The following PTPRT variants were observed in gnomAD, a reference collection of about 807,000 sequenced individuals.
The protein encoded by PTPRT is receptor-type tyrosine-protein phosphatase T.
PTPRT carries 56 observed loss-of-function variants against 176.8 expected under a neutral mutation model. That is an observed-to-expected ratio of 0.32 (90% CI 0.26 to 0.40). The LOEUF is 0.40. Ranked by LOEUF, PTPRT falls within the 10% of genes least tolerant of loss-of-function variation. PTPRT has a pLI of 1.00. For missense variants in PTPRT, 1,540 were observed against 1,908.2 expected (o/e 0.81, Z 3.60); for synonymous variants, 783 against 739.0 (o/e 1.06, Z -0.96).
rs1170197583 is a variant in PTPRT, at chr20:42,771,428, T to C, written c.684+7A>G. On this transcript the variant is annotated splice_region_variant and intron_variant, in intron 5 of 30. Transcript: ENST00000373187. ...CGAGTCTGAGCAGAGGCTTCTCTCATGCTTACCTGGAGCCAAAGCTTGTCA... is the reference window on the plus strand; with the variant it reads ...CGAGTCTGAGCAGAGGCTTCTCTCACGCTTACCTGGAGCCAAAGCTTGTCA... 1.2e-6 allele frequency: 2 copies of C among 1,610,482 alleles called. No individual in the cohort carries two copies. Among genetic ancestry groups the C allele is most frequent in the Non-Finnish European group, 1.7e-6 (2 of 1,176,684 alleles).
chr20:42,669,806 C>T (rs1407400201), intron 7 of PTPRT, among the ~76,000 whole-genome samples: 2 of 151,986 alleles, frequency 1.3e-5, no homozygotes, highest in Non-Finnish European at 2.9e-5. Flanking sequence ...CCTGAGGCTG[C>T]TTATTGCAGA....
At chr20:42,689,028 A>T (rs1478448100) in intron 6 of PTPRT, among the ~76,000 whole-genome samples, 1 of 152,206 alleles carries the variant, frequency 6.6e-6, no homozygotes, top group Non-Finnish European at 1.5e-5. Context: ...GTATTGATAC[A>T]GACAGAAGAC....
intron 1 of PTPRT, among the ~76,000 whole-genome samples, chr20:43,154,908 C>CA (rs940824070): frequency 7.8e-4 from 116 of 148,408 alleles, no homozygotes; most frequent in Middle Eastern, 6.9e-3. Flanking sequence ...GACATTGATC[C>CA]AAAAAAAAAG....
chr20:42,849,136 T>C lies in PTPRT; in HGVS notation c.214+36671A>G, dbSNP rs1019274377. Among the ~76,000 whole-genome samples the C allele has an allele frequency of 3.3e-5, 5 of 152,324 alleles. No individual in the cohort carries two copies. The East Asian group carries it at 7.7e-4, about 24-fold the overall frequency. On this transcript the variant is annotated intron_variant, in intron 2 of 30. Transcript: ENST00000373187. ...ATCAGGCTGTAAGTATTTGGGCTTATTTCTGAGTTCTCTATTCTGTTCCAC... is the reference window on the plus strand; with the variant it reads ...ATCAGGCTGTAAGTATTTGGGCTTACTTCTGAGTTCTCTATTCTGTTCCAC...
chr20:42,516,523 A>G (rs745485915), intron 7 of PTPRT, among the ~76,000 whole-genome samples: 9 of 152,256 alleles, frequency 5.9e-5, no homozygotes, highest in Middle Eastern at 3.4e-3. Flanking sequence ...ACATGACTAG[A>G]CTATAACTTA....
Position 42,304,124 on chromosome 20 carries a change from G to A in PTPRT, c.2139+11599C>T, listed in dbSNP as rs73909264. On this transcript the variant is annotated intron_variant, in intron 12 of 30. Coordinates refer to ENST00000373187, the MANE Select transcript of PTPRT (RefSeq NM_007050.6). The stretch of plus-strand genomic sequence containing the variant: ...GTCCCACTTCTCCACTTGCCTCTCC[G>A]TAAGTACGACATTCCCAAACTTCCT... Among the ~76,000 whole-genome samples, 1,093 of 152,218 alleles carry A rather than the reference G, an allele frequency of 7.2e-3. 11 individuals carry two copies. Among genetic ancestry groups the A allele is most frequent in the African/African-American group, 0.025 (1,025 of 41,538 alleles).
chr20:42,454,637 T>C (rs1467951987), intron 8 of PTPRT, among the ~76,000 whole-genome samples: 3 of 152,252 alleles, frequency 2.0e-5, no homozygotes, highest in Non-Finnish European at 4.4e-5. Context: ...CTGTTGCATA[T>C]GTTTGATACT....
intron 17 of PTPRT, among the ~76,000 whole-genome samples, chr20:42,151,426 C>A (rs1989127346): frequency 6.6e-6 from 1 of 152,106 alleles, no homozygotes; most frequent in Non-Finnish European, 1.5e-5. Context: ...TGTTAGTTTG[C>A]TGAGAATGAT....
intron 17 of PTPRT, among the ~76,000 whole-genome samples, chr20:42,159,241 A>C (rs1989483865): frequency 1.4e-5 from 2 of 145,046 alleles, no homozygotes; most frequent in Admixed American, 7.0e-5. Flanking sequence ...TTTATTATCC[A>C]CCTCCCATAC....
At chr20:43,011,225 A>C (rs915027743) in intron 1 of PTPRT, among the ~76,000 whole-genome samples, 2 of 152,306 alleles carry the variant, frequency 1.3e-5, no homozygotes, top group East Asian at 3.9e-4. Context: ...AAGAGGAGCC[A>C]GAGTCAAGTG....
chr20:42,529,853 A>G (rs1375993691), intron 7 of PTPRT, among the ~76,000 whole-genome samples: 1 of 151,026 alleles, frequency 6.6e-6, no homozygotes, highest in East Asian at 1.9e-4. Flanking sequence ...AGAGGAAAAA[A>G]AAAAAAAAAA....
chr20:43,184,639 A>G (rs1316307112), intron 1 of PTPRT, among the ~76,000 whole-genome samples: 1 of 151,902 alleles, frequency 6.6e-6, no homozygotes, highest in African/African-American at 2.4e-5. Flanking sequence ...GTGAGCTGAG[A>G]TCACGCCACC....
intron 17 of PTPRT, among the ~76,000 whole-genome samples, chr20:42,154,428 A>G (rs1989263443): frequency 6.6e-6 from 1 of 152,210 alleles, no homozygotes. Context: ...ACTAAGAACA[A>G]GATGGCAACA....
At chr20:42,741,036 T>C (rs1377110370) in intron 6 of PTPRT, among the ~76,000 whole-genome samples, 1 of 152,086 alleles carries the variant, frequency 6.6e-6, no homozygotes, top group Non-Finnish European at 1.5e-5. Context: ...TAAGGGGAGC[T>C]GAGTTCCAAA....
chr20:42,508,668 C>G (rs1239528084), intron 7 of PTPRT, among the ~76,000 whole-genome samples: 8 of 151,800 alleles, frequency 5.3e-5, no homozygotes, highest in African/African-American at 1.9e-4. Context: ...ACTTTCCCAT[C>G]GTGCCATAGC....
intron 12 of PTPRT, among the ~76,000 whole-genome samples, chr20:42,293,488 T>G (rs975458757): frequency 6.6e-6 from 1 of 152,210 alleles, no homozygotes; most frequent in African/African-American, 2.4e-5. Context: ...GTATTTATCC[T>G]TTACTTGACT....
At position 42,666,058 on chromosome 20, in the gene PTPRT, G is replaced by A. The variant is rs375955092; in HGVS notation, c.1153+11808C>T. 9.9e-5 allele frequency among the ~76,000 whole-genome samples: 15 copies of A among 151,806 alleles called. 1 individual carries two copies. The highest frequency in any genetic ancestry group is 2.1e-4 in the South Asian group (1 of 4,810). Reference sequence around the variant, plus strand: ...GTATACATATGTAACAAACCTGCACGTTGTGCACATGTACCGTAAAACTTA... The same window carrying A: ...GTATACATATGTAACAAACCTGCACATTGTGCACATGTACCGTAAAACTTA... On this transcript the variant is annotated intron_variant, in intron 7 of 30. Coordinates refer to ENST00000373187, the MANE Select transcript of PTPRT (RefSeq NM_007050.6).
intron 7 of PTPRT, among the ~76,000 whole-genome samples, chr20:42,630,455 C>A (rs942385561): frequency 5.9e-5 from 9 of 152,050 alleles, no homozygotes; most frequent in Non-Finnish European, 1.5e-5. Context: ...AAGGAAAGAG[C>A]CACACACCAC....
intron 1 of PTPRT, among the ~76,000 whole-genome samples, chr20:43,111,427 C>G (rs2012861838): frequency 6.6e-6 from 1 of 151,658 alleles, no homozygotes; most frequent in Non-Finnish European, 1.5e-5. Flanking sequence ...GCCTGTAATC[C>G]TAGCTACTCA....
Sources: gnomAD v4.1 joint callset for allele counts (sites outside exome capture counted in the v4.1 genomes callset) on GRCh38, gnomAD v4.1.1 for gene constraint, MANE v1.5 for transcripts, NCBI Gene and HGNC (gene_info 2026-07-23, HGNC 2026-07-21) for gene names.